The following MATN1 variants were observed in gnomAD, a reference collection of about 807,000 sequenced individuals.
The protein encoded by MATN1 is matrilin 1.
In MATN1, 34 loss-of-function variants were observed where a neutral mutation model predicts 41.3. That is an observed-to-expected ratio of 0.82 (90% CI 0.63 to 1.10). MATN1 has a LOEUF of 1.10. MATN1 is among the 50% of genes least tolerant of loss of function. The pLI, the probability that MATN1 is intolerant of heterozygous loss-of-function variation, is 0.00. For synonymous variants in MATN1, 264 were observed against 278.7 expected (o/e 0.95, Z 0.53); for missense variants, 602 against 662.4 (o/e 0.91, Z 1.00).
chr1:30,722,921 T>C (rs1383971785), intron 1 of MATN1, among the ~76,000 whole-genome samples: 2 of 152,148 alleles, frequency 1.3e-5, no homozygotes, highest in African/African-American at 4.8e-5. Context: ...CAGCAGTAGA[T>C]CAATAACCTA....
rs1045098069 is a variant in MATN1, at chr1:30,711,952, G to A, written c.*1630C>T. On this transcript the variant is annotated 3_prime_UTR_variant, in exon 8 of 8. Transcript: ENST00000373765. ...AAGGGTTTGGTGAACTGTGTAGGAG[G>A]TGGAGTCAGGTCATGGGGGCGAGGG... is the stretch of plus-strand genomic sequence containing the variant. The A allele has an allele frequency of 6.6e-6, 1 of 152,584 alleles. No homozygotes were observed. The highest frequency in any genetic ancestry group is 6.5e-5 in the Admixed American group (1 of 15,290). The allele number at this position is 152,584 out of a possible 1,614,324, so 9.5% of individuals were successfully genotyped here.
rs10531531 is a variant in MATN1, at chr1:30,713,377, GCACACACA to G, written c.*197_*204del. The G allele has an allele frequency of 6.4e-4, 353 of 551,678 alleles. No homozygotes were observed. The highest frequency in any genetic ancestry group is 1.0e-3 in the Non-Finnish European group (315 of 302,582). The allele number at this position is 551,678 out of a possible 1,614,324, so 34.2% of individuals were successfully genotyped here. On this transcript the variant is annotated 3_prime_UTR_variant, in exon 8 of 8. Transcript: ENST00000373765. The stretch of plus-strand genomic sequence containing the variant: ...CTCATGCCCACCCTCAGGCGCACGT[GCACACACA>G]CACACACACACACACATGCACACAT...
At chr1:30,723,166 G>T (rs1179811253) in intron 1 of MATN1, among the ~76,000 whole-genome samples, 1 of 152,202 alleles carries the variant, frequency 6.6e-6, no homozygotes, top group Non-Finnish European at 1.5e-5. Context: ...GCTTGGTGCA[G>T]CTCCAGACGT....
At chr1:30,721,242 G>T in intron 2 of MATN1, 163 bp downstream of exon 2, 2 of 680,230 alleles carry the variant, frequency 2.9e-6, no homozygotes, top group Non-Finnish European at 5.0e-6. Flanking sequence ...CTTGCAACTG[G>T]TGACCTCTGT....
At chr1:30,722,920 A>C (rs1452096074) in intron 1 of MATN1, among the ~76,000 whole-genome samples, 1 of 152,196 alleles carries the variant, frequency 6.6e-6, no homozygotes, top group East Asian at 1.9e-4. Context: ...ACAGCAGTAG[A>C]TCAATAACCT....
At position 30,721,397 on chromosome 1, in the gene MATN1, G is replaced by T. The variant is rs1639692062; in HGVS notation, c.441+8C>A. 3 of 1,602,344 alleles carry T rather than the reference G, an allele frequency of 1.9e-6. No individual in the cohort carries two copies. The highest frequency in any genetic ancestry group is 2.2e-5 in the South Asian group (2 of 90,520). On this transcript the variant is annotated splice_region_variant and intron_variant, in intron 2 of 7. Transcript: ENST00000373765. Reference sequence around the variant, plus strand: ...CAGCAGCATCCTAGCAGGGTGGCGTGCACGTACCTTGCTGATGTCAGGGGA... The same window carrying T: ...CAGCAGCATCCTAGCAGGGTGGCGTTCACGTACCTTGCTGATGTCAGGGGA...
chr1:30,721,768 A>G lies in MATN1; in HGVS notation c.95-17T>C, dbSNP rs754181247. 6.3e-7 allele frequency: 1 copy of G among 1,594,962 alleles called. No homozygotes were observed. Among genetic ancestry groups the G allele is most frequent in the African/African-American group, 1.3e-5 (1 of 74,782 alleles). On this transcript the variant is annotated splice_polypyrimidine_tract_variant and intron_variant, in intron 1 of 7. Coordinates refer to ENST00000373765, the MANE Select transcript of MATN1 (RefSeq NM_002379.3). ...AGAGATGGCCTGGGAGTGGGGCAGGAGGGGTAAGGCAGAGAGCAGAGACAC... is the reference window on the plus strand; with the variant it reads ...AGAGATGGCCTGGGAGTGGGGCAGGGGGGGTAAGGCAGAGAGCAGAGACAC...
At chr1:30,713,676 C>A in intron 7 of MATN1, 45 bp from the exon 8 acceptor site, 1 of 1,522,216 alleles carries the variant, frequency 6.6e-7, no homozygotes, top group South Asian at 1.2e-5. Context: ...CAGAGCAGGG[C>A]AGGGATGGCT....
chr1:30,720,981 G>A (rs1639687657), intron 2 of MATN1: 1 of 172,364 alleles, frequency 5.8e-6, no homozygotes, highest in South Asian at 1.6e-4. Context: ...TTACAGGTGA[G>A]GAAACCGAGC....
chr1:30,713,839 G>A (rs1639583695), intron 7 of MATN1: 1 of 611,626 alleles, frequency 1.6e-6, no homozygotes, highest in East Asian at 2.8e-5. Flanking sequence ...CTCAGTTGCA[G>A]ATTTAGACCT....
chr1:30,722,427 C>T (rs370158214), intron 1 of MATN1, among the ~76,000 whole-genome samples: 1 of 152,266 alleles, frequency 6.6e-6, no homozygotes, highest in Non-Finnish European at 1.5e-5. Flanking sequence ...AAGACACACC[C>T]CCGAGGAGCA....
chr1:30,713,659 G>A, intron 7 of MATN1, 28 bp from the exon 8 acceptor site: 1 of 1,551,412 alleles, frequency 6.4e-7, no homozygotes, highest in Non-Finnish European at 8.7e-7. Context: ...GAGAGGTGCA[G>A]GTTGGCCAGA....
At position 30,715,214 on chromosome 1, in the gene MATN1, C is replaced by T; in HGVS notation, c.1303G>A (p.Ala435Thr). The change falls in exon 6 of 8, where the codon GCT (alanine) becomes ACT (threonine). Residue 435 changes from alanine (A) to threonine (T), a missense_variant. Coordinates refer to ENST00000373765, the MANE Select transcript of MATN1 (RefSeq NM_002379.3). ...ATCTGGTTGATGGTCTTGAAGTCAG[C>T]CGTGTAGAAGTAGTGCTCTGCCACA... is the stretch of plus-strand genomic sequence containing the variant. ...EPVAEHYFYT[A>T]DFKTINQIGK... The T allele has an allele frequency of 1.2e-6, 2 of 1,614,224 alleles. No individual in the cohort carries two copies. Among genetic ancestry groups the T allele is most frequent in the South Asian group, 2.2e-5 (2 of 91,088 alleles).
chr1:30,713,626 C>T lies in MATN1; in HGVS notation c.1447G>A (p.Ala483Thr). 1.3e-6 allele frequency: 2 copies of T among 1,553,490 alleles called. No individual in the cohort carries two copies. Among genetic ancestry groups the T allele is most frequent in the South Asian group, 1.2e-5 (1 of 84,176 alleles). ...LLQALTRKLE[A>T]VSKRLAILEN... Reference sequence around the variant, plus strand: ...AGGATGGCCAGCCGCTTACTCACAGCTTCCAGTGGACTCAGAGTTAAGGAG... The same window carrying T: ...AGGATGGCCAGCCGCTTACTCACAGTTTCCAGTGGACTCAGAGTTAAGGAG... The change falls in exon 8 of 8, where the codon GCT (alanine) becomes ACT (threonine). Residue 483 changes from alanine to threonine, a missense_variant. Transcript: ENST00000373765.
Position 30,715,265 on chromosome 1 carries a change from C to T in MATN1, c.1252G>A (p.Glu418Lys), listed in dbSNP as rs1182005971. ...GGCTCTGAGGCTATTTCCCTCAGCT[C>T]ATCCTCCACGGCATTGCCCACACCC... The part of the protein sequence containing the change: ...AVGVGNAVED[E>K]LREIASEPVA... Residue 418 changes from glutamate (E) to lysine (K), a missense_variant, in exon 6 of 8, where the codon GAG becomes AAG. Coordinates refer to ENST00000373765, the MANE Select transcript of MATN1 (RefSeq NM_002379.3). 1 of 1,614,230 alleles carries T rather than the reference C, an allele frequency of 6.2e-7. No homozygotes were observed. Among genetic ancestry groups the T allele is most frequent in the Non-Finnish European group, 8.5e-7 (1 of 1,180,044 alleles).
At chr1:30,718,345 C>T (rs1319987683) in intron 3 of MATN1, among the ~76,000 whole-genome samples, 1 of 151,068 alleles carries the variant, frequency 6.6e-6, no homozygotes, top group Admixed American at 6.6e-5. Flanking sequence ...GCCCCTGGAG[C>T]CGACTCTCTC....
chr1:30,714,541 G>A (rs1218036808), intron 6 of MATN1, among the ~76,000 whole-genome samples: 2 of 152,166 alleles, frequency 1.3e-5, no homozygotes, highest in African/African-American at 4.8e-5. Flanking sequence ...CTGGTCCCTT[G>A]GAGCCCTGAG....
rs975792684 is a variant in MATN1, at chr1:30,711,816, A to C, written c.*1766T>G. On this transcript the variant is annotated 3_prime_UTR_variant, in exon 8 of 8. Coordinates refer to ENST00000373765, the MANE Select transcript of MATN1 (RefSeq NM_002379.3). ...CTGTGTGGGGAGGAGAGGGGAGTGG[A>C]TAATCTCAGAAGAAAGGAAGAATGA... 6.6e-6 allele frequency: 1 copy of C among 152,218 alleles called. No individual in the cohort carries two copies. 9.4% of individuals were successfully genotyped at this position (152,218 alleles called of 1,614,324 possible).
intron 7 of MATN1, 107 bp from the exon 8 acceptor site, chr1:30,713,738 CCT>C: frequency 1.2e-6 from 1 of 851,906 alleles, no homozygotes; most frequent in Admixed American, 2.0e-5. Context: ...TGCATTCTCC[CCT>C]CTGTCAGAAC....
Sources: gnomAD v4.1 joint callset for allele counts (sites outside exome capture counted in the v4.1 genomes callset) on GRCh38, gnomAD v4.1.1 for gene constraint, MANE v1.5 for transcripts, NCBI Gene and HGNC (gene_info 2026-07-23, HGNC 2026-07-21) for gene names.